Variants in MORC4 observed in about 807,000 individuals in gnomAD.
The protein encoded by MORC4 is MORC family CW-type zinc finger 4.
Under a neutral mutation model 65.5 loss-of-function variants are expected in MORC4, and 22 were observed. That is an observed-to-expected ratio of 0.34 (90% CI 0.24 to 0.48). MORC4 has a LOEUF of 0.48. Ranked by LOEUF, MORC4 falls within the 20% of genes least tolerant of loss-of-function variation. MORC4 has a pLI of 0.99. For synonymous variants in MORC4, 267 were observed against 255.8 expected (o/e 1.04, Z -0.42); for missense variants, 624 against 703.0 (o/e 0.89, Z 1.27).
chrX:106,974,977 T>C (rs1231562307), intron 9 of MORC4, among the ~76,000 whole-genome samples: 1 of 111,475 alleles, frequency 9.0e-6, no homozygotes, highest in African/African-American at 3.3e-5. Context: ...GTGTAGCAGA[T>C]GTTATGCTAA....
At chrX:106,976,793 G>GA (rs751161416) in intron 8 of MORC4, 109 bp from the exon 9 acceptor site, 2 of 490,778 alleles carry the variant, frequency 4.1e-6, no homozygotes, top group South Asian at 7.0e-5. Context: ...TCATGGGCAA[G>GA]AAAAGACCAT....
In MORC4 at chrX:106,942,168, G is replaced by C; in HGVS notation, c.2430C>G (p.Val810=). Residue 810 remains valine (V), a synonymous_variant, in exon 16 of 17, where the codon GTC becomes GTG. Coordinates refer to ENST00000355610, the MANE Select transcript of MORC4 (RefSeq NM_024657.5). ...TACTGTAGATCACCAATTCATGTTG[G>C]ACTTTCTTGAATTCAGACTGCCAGT... ...RNHWQSEFKK[V]QHELVIYSTQ... is the part of the protein sequence containing the mutation. 2.5e-6 allele frequency: 3 copies of C among 1,210,400 alleles called. No homozygotes were observed. The highest frequency in any genetic ancestry group is 3.4e-6 in the Non-Finnish European group (3 of 894,856).
chrX:106,952,193 G>A lies in MORC4; in HGVS notation c.1685+2720C>T, dbSNP rs1011997311. Among the ~76,000 whole-genome samples, 5 of 110,343 alleles carry A rather than the reference G, an allele frequency of 4.5e-5. No individual in the cohort carries two copies. In the Admixed American group the frequency reaches 4.8e-4, roughly 11 times the overall value. On this transcript the variant is annotated intron_variant, in intron 14 of 16. Transcript: ENST00000355610. ...GTGCATTACTTAATGATGGGCATACGCTCTGAGAAATCCATTGTTAGACAA... is the reference window on the plus strand; with the variant it reads ...GTGCATTACTTAATGATGGGCATACACTCTGAGAAATCCATTGTTAGACAA...
intron 7 of MORC4, 96 bp from the exon 8 acceptor site, chrX:106,978,295 C>T: frequency 1.1e-6 from 1 of 894,232 alleles, no homozygotes; most frequent in Non-Finnish European, 1.5e-6. Context: ...TACCAAGGGA[C>T]ATAAATTGGT....
chrX:106,941,375 A>AGGGT lies in MORC4; in HGVS notation c.*103_*104insACCC. On this transcript the variant is annotated 3_prime_UTR_variant, in exon 17 of 17. Coordinates refer to ENST00000355610, the MANE Select transcript of MORC4 (RefSeq NM_024657.5). Reference sequence around the variant, plus strand: ...TATAAGGCATAAAGGTGAGGGTGAGAGAGAGAGAGAGAGAGAGAGAGAGAG... The same window carrying AGGGT: ...TATAAGGCATAAAGGTGAGGGTGAGAGGGTGAGAGAGAGAGAGAGAGAGAGAGAG... 1 of 79,355 alleles carries AGGGT rather than the reference A, an allele frequency of 1.3e-5. No individual in the cohort carries two copies. The highest frequency in any genetic ancestry group is 3.4e-4 in the Admixed American group (1 of 2,964). 6.5% of individuals were successfully genotyped at this position (79,355 alleles called of 1,213,427 possible). A position where few individuals can be genotyped will look rare whatever the true frequency, so the allele number is the denominator to read the frequency against.
intron 2 of MORC4, among the ~76,000 whole-genome samples, chrX:106,997,970 G>T (rs980109750): frequency 8.9e-6 from 1 of 111,776 alleles, no homozygotes; most frequent in African/African-American, 3.3e-5. Context: ...CCATTTTGTT[G>T]TTAGACAAAG....
rs548278300 is a variant in MORC4, at chrX:106,948,167, T to A, written c.1686-4962A>T. On this transcript the variant is annotated intron_variant, in intron 14 of 16. Coordinates refer to ENST00000355610, the MANE Select transcript of MORC4 (RefSeq NM_024657.5). ...AATTATTACTTTATGCAATGTTACA[T>A]CTTCCAAGGAAGCCAAGAGAAGAAA... Among the ~76,000 whole-genome samples the A allele has an allele frequency of 5.6e-4, 63 of 111,700 alleles. No individual in the cohort carries two copies. The South Asian group carries it at 0.024, about 42-fold the overall frequency.
intron 14 of MORC4, among the ~76,000 whole-genome samples, chrX:106,953,434 C>A (rs146486932): frequency 1.8e-5 from 2 of 111,535 alleles, no homozygotes; most frequent in Non-Finnish European, 3.8e-5. Context: ...TTCAAAAACA[C>A]TTAGCATTTA....
intron 14 of MORC4, among the ~76,000 whole-genome samples, chrX:106,947,349 G>T (rs1933854571): frequency 9.3e-6 from 1 of 108,061 alleles, no homozygotes; most frequent in Admixed American, 1.0e-4. Flanking sequence ...CTGTATGTAT[G>T]TCAGGTCTGG....
At chrX:106,975,836 G>A (rs1484118341) in intron 9 of MORC4, among the ~76,000 whole-genome samples, 1 of 110,209 alleles carries the variant, frequency 9.1e-6, no homozygotes, top group Non-Finnish European at 1.9e-5. Context: ...CATATTTAAA[G>A]TTCTCCCCAC....
chrX:106,953,481 A>G (rs1255602898), intron 14 of MORC4, among the ~76,000 whole-genome samples: 1 of 111,442 alleles, frequency 9.0e-6, no homozygotes, highest in Non-Finnish European at 1.9e-5. Context: ...GGAGTTGGAA[A>G]AGTATGCATG....
chrX:106,948,575 C>T (rs1370011838), intron 14 of MORC4, among the ~76,000 whole-genome samples: 1 of 111,828 alleles, frequency 8.9e-6, no homozygotes, highest in Non-Finnish European at 1.9e-5. Flanking sequence ...ATATTGCTTG[C>T]TTTCATCCTA....
chrX:106,948,729 T>C (rs1933906566), intron 14 of MORC4, among the ~76,000 whole-genome samples: 1 of 112,097 alleles, frequency 8.9e-6, no homozygotes, highest in Non-Finnish European at 1.9e-5. Context: ...TGTCAGTCTT[T>C]CATTCAGTCC....
chrX:106,986,276 G>A (rs1400411433), intron 3 of MORC4, 76 bp from the exon 4 acceptor site: 12 of 775,573 alleles, frequency 1.5e-5, no homozygotes, highest in Non-Finnish European at 2.2e-5. Context: ...ATAGGTGACA[G>A]GCAGAATATT....
chrX:106,941,420 A>C lies in MORC4; in HGVS notation c.*59T>G. 1.1e-6 allele frequency: 1 copy of C among 901,044 alleles called. No individual in the cohort carries two copies. The highest frequency in any genetic ancestry group is 1.5e-6 in the Non-Finnish European group (1 of 654,782). 74.3% of individuals were successfully genotyped at this position (901,044 alleles called of 1,213,427 possible). A position where few individuals can be genotyped will look rare whatever the true frequency, so the allele number is the denominator to read the frequency against. On this transcript the variant is annotated 3_prime_UTR_variant, in exon 17 of 17. Transcript: ENST00000355610. ...AGAGAGAGAGAGAGAGACGTGAGGG[A>C]GGGAGAGAAAAGAGAACAGACAGAA...
chrX:106,988,545 T>G (rs2147825013), intron 3 of MORC4, among the ~76,000 whole-genome samples: 1 of 112,022 alleles, frequency 8.9e-6, no homozygotes, highest in African/African-American at 3.2e-5. Flanking sequence ...TCCACCTAAG[T>G]TCTCATGTTC....
chrX:106,959,523 T>C (rs943879234), intron 10 of MORC4, among the ~76,000 whole-genome samples: 6 of 112,019 alleles, frequency 5.4e-5, no homozygotes, highest in Non-Finnish European at 3.8e-5. Context: ...TTGTGCTTTT[T>C]ATTTTCTTCT....
chrX:106,984,969 G>T (rs1177338286), intron 5 of MORC4, 127 bp downstream of exon 5: 2 of 549,306 alleles, frequency 3.6e-6, no homozygotes, highest in African/African-American at 2.4e-5. Context: ...AGGTGTTCGA[G>T]ACCAGCCTGG....
At chrX:106,944,290 G>A (rs1450561062) in intron 14 of MORC4, among the ~76,000 whole-genome samples, 1 of 111,678 alleles carries the variant, frequency 9.0e-6, no homozygotes, top group Non-Finnish European at 1.9e-5. Flanking sequence ...TTAGGTAAAA[G>A]CAAAAGGACT....
Sources: allele counts gnomAD v4.1 joint callset (sites outside exome capture counted in the v4.1 genomes callset), GRCh38; gene constraint gnomAD v4.1.1; transcripts MANE v1.5; gene names NCBI Gene and HGNC (gene_info 2026-07-23, HGNC 2026-07-21).